Variants in NEK9 observed in about 807,000 individuals in gnomAD.
The protein encoded by NEK9 is serine/threonine-protein kinase Nek9.
Under a neutral mutation model 123.4 loss-of-function variants are expected in NEK9, and 75 were observed. The ratio of observed to expected loss-of-function variants is 0.61; its 90% CI spans 0.50 to 0.74. The LOEUF is 0.74. Ranked by LOEUF, NEK9 falls within the 30% of genes least tolerant of loss-of-function variation. The probability of loss-of-function intolerance (pLI) is 0.00; values close to 1 mark genes in which losing one functional copy is unlikely to be tolerated. For missense variants in NEK9, 952 were observed against 1,214.4 expected (o/e 0.78, Z 3.21); for synonymous variants, 438 against 458.7 (o/e 0.95, Z 0.58).
rs536840982 is a variant in NEK9 at position 75,103,997 on chromosome 14, C to A, written c.1576G>T (p.Val526Leu). 6.3e-7 allele frequency: 1 copy of A among 1,598,736 alleles called. No homozygotes were observed. Among genetic ancestry groups the A allele is most frequent in the Non-Finnish European group, 8.5e-7 (1 of 1,175,988 alleles). Residue 526 changes from valine (V) to leucine (L), a missense_variant and splice_region_variant, in exon 14 of 22, where the codon GTG becomes TTG. Val to Leu is a conservative substitution (Grantham distance 32). Coordinates refer to ENST00000238616, the MANE Select transcript of NEK9 (RefSeq NM_033116.6). ...SEEDYYTPQK[V>L]DVPKALIIVA... is the part of the protein sequence containing the mutation. ...ATAATCAAGGCCTTGGGAACATCCA[C>A]CTGCAAGAAAAAAATCAGAAAAAGA...
intron 5 of NEK9, 68 bp downstream of exon 5, chr14:75,118,762 T>C (rs1895222829): frequency 6.7e-6 from 6 of 890,698 alleles, no homozygotes; most frequent in Non-Finnish European, 9.1e-6. Context: ...ATGCAAGATT[T>C]AGGGAGTACA....
chr14:75,091,251 C>T lies in NEK9; in HGVS notation c.2442+19G>A, dbSNP rs766640224. ...AGGGCCACATATTTTATCCAAGTTACTTCTTCCAAAGGAATTACCTTTCGA... is the reference window on the plus strand; with the variant it reads ...AGGGCCACATATTTTATCCAAGTTATTTCTTCCAAAGGAATTACCTTTCGA... On this transcript the variant is annotated intron_variant, in intron 19 of 21. Coordinates refer to ENST00000238616, the MANE Select transcript of NEK9 (RefSeq NM_033116.6). 2.5e-6 allele frequency: 4 copies of T among 1,593,410 alleles called. No homozygotes were observed. The highest frequency in any genetic ancestry group is 2.6e-6 in the Non-Finnish European group (3 of 1,171,032).
intron 15 of NEK9, 107 bp from the exon 16 acceptor site, chr14:75,101,260 C>T (rs1594833626): frequency 8.2e-7 from 1 of 1,222,888 alleles, no homozygotes; most frequent in South Asian, 1.5e-5. Flanking sequence ...TTAGAATATA[C>T]AAATATAAAA....
At chr14:75,120,686 T>C (rs1895300522) in intron 3 of NEK9, 106 bp from the exon 4 acceptor site, 3 of 827,076 alleles carry the variant, frequency 3.6e-6, no homozygotes, top group African/African-American at 3.5e-5. Flanking sequence ...CCAGAAGTTA[T>C]GATTCAACAT....
intron 1 of NEK9, among the ~76,000 whole-genome samples, chr14:75,124,835 G>A (rs867274183): frequency 6.9e-6 from 1 of 145,718 alleles, no homozygotes; most frequent in Non-Finnish European, 1.5e-5. Context: ...CTAGAGTGCA[G>A]TCATAGCTCA....
chr14:75,113,555 T>C, intron 7 of NEK9, 152 bp from the exon 8 acceptor site: 1 of 608,298 alleles, frequency 1.6e-6, no homozygotes, highest in South Asian at 2.0e-5. Flanking sequence ...CTCACCTCAT[T>C]ATAATCAACA....
At chr14:75,124,917 C>T (rs1320686818) in intron 1 of NEK9, among the ~76,000 whole-genome samples, 2 of 149,028 alleles carry the variant, frequency 1.3e-5, no homozygotes, top group Non-Finnish European at 3.0e-5. Context: ...ACTACAGGCA[C>T]GCACTGCCAC....
rs1894813554 is a variant in NEK9, at chr14:75,107,375, G to A, written c.1295C>T (p.Ser432Leu). ...ACAGACAGTGAAATCATCACCACAT[G>A]ACACCTGACGGATAGCTTTGCCTTG... ...KLQGKAIRQV[S>L]CGDDFTVCVT... The change falls in exon 11 of 22, where the codon TCA (serine) becomes TTA (leucine). Residue 432 changes from serine (S) to leucine (L), a missense_variant. This residue lies in a region of NEK9 where 698 missense variants were observed against 875.6 expected (regional missense o/e 0.80). Coordinates refer to ENST00000238616, the MANE Select transcript of NEK9 (RefSeq NM_033116.6). The A allele has an allele frequency of 1.6e-5, 26 of 1,613,878 alleles. No individual in the cohort carries two copies. Among genetic ancestry groups the A allele is most frequent in the Non-Finnish European group, 1.7e-5 (20 of 1,179,946 alleles).
chr14:75,084,761 C>T, intron 21 of NEK9, 75 bp from the exon 22 acceptor site: 1 of 1,587,146 alleles, frequency 6.3e-7, no homozygotes, highest in Non-Finnish European at 8.6e-7. Flanking sequence ...ACTATATTTT[C>T]AATGCCAACT....
chr14:75,093,896 A>G (rs1253329050), intron 18 of NEK9, among the ~76,000 whole-genome samples: 1 of 152,246 alleles, frequency 6.6e-6, no homozygotes, highest in African/African-American at 2.4e-5. Flanking sequence ...ACAAATAGTT[A>G]CTGAGCATTT....
intron 16 of NEK9, among the ~76,000 whole-genome samples, chr14:75,097,781 T>G (rs563685558): frequency 7.2e-5 from 11 of 152,164 alleles, no homozygotes; most frequent in Non-Finnish European, 1.0e-4. Context: ...GTCAGAGGAG[T>G]TCTGACACTT....
At chr14:75,106,139 A>C in intron 12 of NEK9, 143 bp from the exon 13 acceptor site, 2 of 725,594 alleles carry the variant, frequency 2.8e-6, no homozygotes, top group Admixed American at 4.5e-5. Flanking sequence ...GTGGATCATG[A>C]GGTCAGAAGT....
chr14:75,126,013 T>C (rs1030511379), intron 1 of NEK9, among the ~76,000 whole-genome samples: 13 of 152,214 alleles, frequency 8.5e-5, no homozygotes, highest in African/African-American at 3.1e-4. Flanking sequence ...AATGTGTTGA[T>C]GGAGGGGGCA....
At chr14:75,106,790 C>T (rs551583955) in intron 11 of NEK9, 88 bp from the exon 12 acceptor site, 2 of 939,436 alleles carry the variant, frequency 2.1e-6, no homozygotes, top group African/African-American at 1.6e-5. Flanking sequence ...TGAGGACTAC[C>T]CCAGCAAATG....
At chr14:75,102,194 A>G (rs1894606186) in intron 14 of NEK9, among the ~76,000 whole-genome samples, 1 of 152,216 alleles carries the variant, frequency 6.6e-6, no homozygotes, top group Non-Finnish European at 1.5e-5. Context: ...TCTATAGGGT[A>G]GTGTTTCTCA....
rs1231796235 is a variant in NEK9, at chr14:75,124,239, G to A, written c.220-16C>T. On this transcript the variant is annotated splice_polypyrimidine_tract_variant and intron_variant, in intron 1 of 21. Transcript: ENST00000238616. The stretch of plus-strand genomic sequence containing the variant: ...GTGAGTCATCCTAAACACAGTAACA[G>A]AGGTATCGTGCTTTTCCTCTTGCCT... The A allele has an allele frequency of 3.1e-6, 5 of 1,607,448 alleles. No individual in the cohort carries two copies. The highest frequency in any genetic ancestry group is 4.3e-6 in the Non-Finnish European group (5 of 1,174,436).
rs117807550 is a variant in NEK9 at position 75,083,028 on chromosome 14, G to A, written c.*1536C>T. ...ACAGAGTTGCCTGTCCCGAGCAATG[G>A]GGTTCTCCCCAAGCATCAGCCTTTA... On this transcript the variant is annotated 3_prime_UTR_variant, in exon 22 of 22. Coordinates refer to ENST00000238616, the MANE Select transcript of NEK9 (RefSeq NM_033116.6). 2.3e-4 allele frequency: 90 copies of A among 398,620 alleles called. 1 individual carries two copies. The East Asian group carries it at 3.1e-3, about 14-fold the overall frequency. 24.7% of individuals were successfully genotyped at this position (398,620 alleles called of 1,614,324 possible).
chr14:75,090,828 C>G (rs1413787936), intron 19 of NEK9, among the ~76,000 whole-genome samples: 1 of 152,206 alleles, frequency 6.6e-6, no homozygotes, highest in African/African-American at 2.4e-5. Context: ...CTGCCTCAGC[C>G]TCCCAAAGTG....
intron 20 of NEK9, 24 bp downstream of exon 20, chr14:75,088,456 T>C (rs767673737): frequency 1.2e-6 from 2 of 1,609,872 alleles, no homozygotes; most frequent in South Asian, 2.2e-5. Context: ...CTAGTTGTGA[T>C]TCAAAGGCAA....
Sources: gnomAD v4.1 joint callset for allele counts (sites outside exome capture counted in the v4.1 genomes callset) on GRCh38, gnomAD v4.1.1 for gene constraint, gnomAD v4.1.1 regional missense constraint, MANE v1.5 for transcripts, NCBI Gene and HGNC (gene_info 2026-07-23, HGNC 2026-07-21) for gene names.